Variants in CACNA2D1 observed in about 807,000 individuals in gnomAD.
The protein encoded by CACNA2D1 is calcium voltage-gated channel auxiliary subunit alpha2delta 1, also known as voltage-dependent calcium channel subunit alpha-2/delta-1.
A neutral mutation model predicts 171.5 loss-of-function variants in CACNA2D1; 53 were observed. The ratio of observed to expected loss-of-function variants is 0.31; its 90% confidence interval spans 0.25 to 0.39. CACNA2D1 has a LOEUF of 0.39. CACNA2D1 is among the 10% of genes least tolerant of loss of function. CACNA2D1 has a pLI of 1.00. For missense variants in CACNA2D1, 903 were observed against 1,299.8 expected (o/e 0.69, Z 4.69); for synonymous variants, 442 against 443.1 (o/e 1.00, Z 0.03).
Position 81,974,555 on chromosome 7 carries a change from G to GAA in CACNA2D1, c.1956-5_1956-4dup, listed in dbSNP as rs3083235. ...TTTTCAGGTCATTGCAGTAATCTCT[G>GAA]AAAAAAAAACATTTTGAGATATTAG... is the stretch of plus-strand genomic sequence containing the variant. On this transcript the variant is annotated splice_polypyrimidine_tract_variant and splice_region_variant and intron_variant, in intron 24 of 38. Coordinates refer to ENST00000356860, the MANE Select transcript of CACNA2D1 (RefSeq NM_000722.4). The GAA allele has an allele frequency of 0.077, 103,973 of 1,342,172 alleles. 3,164 individuals are homozygous for GAA. Among genetic ancestry groups the GAA allele is most frequent in the Middle Eastern group, 0.15 (741 of 5,106 alleles). The allele number at this position is 1,342,172 out of a possible 1,614,324, so 83.1% of individuals were successfully genotyped here.
In CACNA2D1 at chr7:82,057,242, A is replaced by G. The variant is rs79850186; in HGVS notation, c.879+3186T>C. 7.3e-3 allele frequency among the ~76,000 whole-genome samples: 1,115 copies of G among 152,234 alleles called. 14 individuals are homozygous for G. The highest frequency in any genetic ancestry group is 0.026 in the African/African-American group (1,060 of 41,538). On this transcript the variant is annotated intron_variant, in intron 10 of 38. Transcript: ENST00000356860. Reference sequence around the variant, plus strand: ...AATATTTGCATCATGAAAATTGGCAAATGCTACACATCAATTTTCTCCTCC... The same window carrying G: ...AATATTTGCATCATGAAAATTGGCAGATGCTACACATCAATTTTCTCCTCC...
At chr7:82,181,973 T>G (rs1797182562) in intron 3 of CACNA2D1, among the ~76,000 whole-genome samples, 1 of 152,190 alleles carries the variant, frequency 6.6e-6, no homozygotes, top group African/African-American at 2.4e-5. Context: ...TGTCCTAAAA[T>G]TTATTAATTT....
At chr7:82,425,469 G>A (rs1315621745) in intron 1 of CACNA2D1, among the ~76,000 whole-genome samples, 1 of 151,224 alleles carries the variant, frequency 6.6e-6, no homozygotes, top group Non-Finnish European at 1.5e-5. Context: ...ATGCTACACA[G>A]AATAGAAAAT....
At chr7:82,185,219 T>C (rs1217181163) in intron 3 of CACNA2D1, among the ~76,000 whole-genome samples, 2 of 151,962 alleles carry the variant, frequency 1.3e-5, no homozygotes, top group African/African-American at 4.8e-5. Flanking sequence ...TCAGCCTTTA[T>C]TTAATTTGTA....
chr7:82,220,120 C>T lies in CACNA2D1; in HGVS notation c.295-49511G>A, dbSNP rs146022056. 1.7e-3 allele frequency among the ~76,000 whole-genome samples: 261 copies of T among 152,086 alleles called. 1 individual carries two copies. Among genetic ancestry groups the T allele is most frequent in the Non-Finnish European group, 2.1e-3 (143 of 67,964 alleles). ...GGTTTCCACTTCAAAACAGAGGGCACGCAGCAAATCTTTAAACATGTCAAT... is the reference window on the plus strand; with the variant it reads ...GGTTTCCACTTCAAAACAGAGGGCATGCAGCAAATCTTTAAACATGTCAAT... On this transcript the variant is annotated intron_variant, in intron 3 of 38. Coordinates refer to ENST00000356860, the MANE Select transcript of CACNA2D1 (RefSeq NM_000722.4).
At chr7:82,082,912 T>A (rs1809975281) in intron 7 of CACNA2D1, among the ~76,000 whole-genome samples, 1 of 152,078 alleles carries the variant, frequency 6.6e-6, no homozygotes, top group Non-Finnish European at 1.5e-5. Context: ...ATTAGTAATT[T>A]TTAAAGTTAA....
intron 3 of CACNA2D1, among the ~76,000 whole-genome samples, chr7:82,171,751 C>G (rs1053868954): frequency 2.6e-5 from 4 of 152,100 alleles, no homozygotes; most frequent in African/African-American, 9.7e-5. Context: ...AGTGATAAAA[C>G]TGAGCAAACA....
chr7:82,116,771 G>C (rs977122225), intron 6 of CACNA2D1, among the ~76,000 whole-genome samples: 2 of 152,132 alleles, frequency 1.3e-5, no homozygotes, highest in African/African-American at 4.8e-5. Context: ...GGTGGCAACT[G>C]GGAAAGCAGA....
chr7:82,097,830 A>T (rs1394330027), intron 6 of CACNA2D1, among the ~76,000 whole-genome samples: 1 of 152,084 alleles, frequency 6.6e-6, no homozygotes, highest in Non-Finnish European at 1.5e-5. Flanking sequence ...AGAGGCAAGC[A>T]AGGACAGGTC....
At chr7:82,036,517 A>G (rs1199667960) in intron 11 of CACNA2D1, among the ~76,000 whole-genome samples, 4 of 152,170 alleles carry the variant, frequency 2.6e-5, no homozygotes, top group South Asian at 4.2e-4. Context: ...GAAATGCCAC[A>G]CTTTTCCTGA....
intron 3 of CACNA2D1, among the ~76,000 whole-genome samples, chr7:82,313,224 T>C (rs1173175505): frequency 6.6e-6 from 1 of 152,178 alleles, no homozygotes; most frequent in Non-Finnish European, 1.5e-5. Flanking sequence ...TTGATTAATA[T>C]GTGAATCTTT....
In CACNA2D1 at chr7:82,258,747, A is replaced by T. The variant is rs984348843; in HGVS notation, c.294+76388T>A. 7.9e-5 allele frequency among the ~76,000 whole-genome samples: 12 copies of T among 151,466 alleles called. 1 individual carries two copies. The South Asian group carries it at 1.3e-3, about 16-fold the overall frequency. On this transcript the variant is annotated intron_variant, in intron 3 of 38. Coordinates refer to ENST00000356860, the MANE Select transcript of CACNA2D1 (RefSeq NM_000722.4). ...GACCAACCAAAAGAATACATAAGCCAATACTTTTGAAAATGTGTTTTCTGC... is the reference window on the plus strand; with the variant it reads ...GACCAACCAAAAGAATACATAAGCCTATACTTTTGAAAATGTGTTTTCTGC...
Position 82,079,489 on chromosome 7 carries a change from C to G in CACNA2D1, c.658+5280G>C, listed in dbSNP as rs183346669. Reference sequence around the variant, plus strand: ...GGTGGATCACCTGAGGTCAGGACTTCGAGACCAGCCTTGCCAACATGGAGA... The same window carrying G: ...GGTGGATCACCTGAGGTCAGGACTTGGAGACCAGCCTTGCCAACATGGAGA... On this transcript the variant is annotated intron_variant, in intron 7 of 38. Coordinates refer to ENST00000356860, the MANE Select transcript of CACNA2D1 (RefSeq NM_000722.4). 1.4e-4 allele frequency among the ~76,000 whole-genome samples: 22 copies of G among 151,962 alleles called. 1 individual carries two copies. The highest frequency in any genetic ancestry group is 1.1e-3 in the Admixed American group (17 of 15,250).
intron 6 of CACNA2D1, among the ~76,000 whole-genome samples, chr7:82,097,660 T>G (rs1008673858): frequency 4.6e-5 from 7 of 151,980 alleles, no homozygotes; most frequent in African/African-American, 1.7e-4. Context: ...AACCGCGTTG[T>G]TTAAAAAAGG....
intron 1 of CACNA2D1, among the ~76,000 whole-genome samples, chr7:82,431,214 T>C (rs1477502331): frequency 6.6e-6 from 1 of 152,182 alleles, no homozygotes; most frequent in Non-Finnish European, 1.5e-5. Flanking sequence ...CCTTTTTCCA[T>C]TCATTTTAAG....
intron 1 of CACNA2D1, among the ~76,000 whole-genome samples, chr7:82,436,027 C>A (rs1830091019): frequency 6.6e-6 from 1 of 152,174 alleles, no homozygotes; most frequent in South Asian, 2.1e-4. Flanking sequence ...TCTGATGTAT[C>A]CCAGTGTTCC....
At chr7:82,404,142 C>T (rs1198311918) in intron 1 of CACNA2D1, among the ~76,000 whole-genome samples, 3 of 152,120 alleles carry the variant, frequency 2.0e-5, no homozygotes, top group African/African-American at 7.2e-5. Context: ...GGAACACAGA[C>T]CAAAGAGTCA....
At chr7:82,045,669 T>C (rs1174734118) in intron 10 of CACNA2D1, among the ~76,000 whole-genome samples, 1 of 152,184 alleles carries the variant, frequency 6.6e-6, no homozygotes, top group African/African-American at 2.4e-5. Flanking sequence ...CCCTCCGTTA[T>C]TTCATGAGCT....
intron 3 of CACNA2D1, among the ~76,000 whole-genome samples, chr7:82,328,531 T>C (rs529180000): frequency 6.9e-4 from 105 of 152,140 alleles, no homozygotes; most frequent in Non-Finnish European, 1.4e-3. Flanking sequence ...ATTCCTTCTG[T>C]CCCAAGTGAA....
Sources: gnomAD v4.1 joint callset for allele counts (sites outside exome capture counted in the v4.1 genomes callset) on GRCh38, gnomAD v4.1.1 for gene constraint, MANE v1.5 for transcripts, NCBI Gene and HGNC (gene_info 2026-07-23, HGNC 2026-07-21) for gene names.